Variants in FNBP4 observed in about 807,000 individuals in gnomAD.
FNBP4 encodes the protein formin-binding protein 4.
Under a neutral mutation model 119.3 loss-of-function variants are expected in FNBP4, and 34 were observed. The observed-to-expected ratio is 0.28, with a 90% CI of 0.22 to 0.38. The LOEUF (loss-of-function observed/expected upper bound fraction) is 0.38. FNBP4 is among the 10% of genes least tolerant of loss of function. The pLI is 1.00. For synonymous variants in FNBP4, 462 were observed against 430.6 expected, an observed-to-expected ratio of 1.07 and a Z score of -0.90; for missense variants, 1,112 against 1,228.9, an observed-to-expected ratio of 0.90 and a Z score of 1.42.
At position 47,753,065 on chromosome 11, in the gene FNBP4, G is replaced by A; in HGVS notation, c.488C>T (p.Pro163Leu). 1.2e-6 allele frequency: 2 copies of A among 1,613,936 alleles called. No individual in the cohort carries two copies. The highest frequency in any genetic ancestry group is 8.5e-7 in the Non-Finnish European group (1 of 1,179,948). ...DAITAPQPAA[P>L]VGASAPPPTP... ...TGGAGGTGGAGCAGAAGCTCCTACA[G>A]GAGCTGCAGGCTGAGGAGCTGTTAT... The change falls in exon 4 of 17, where the codon CCT (proline) becomes CTT (leucine). Residue 163 changes from proline to leucine, a missense_variant. Pro to Leu is a moderately conservative substitution (Grantham distance 98, BLOSUM62 -3). Transcript: ENST00000263773.
chr11:47,730,546 A>C (rs1357321401), intron 12 of FNBP4, among the ~76,000 whole-genome samples: 1 of 152,206 alleles, frequency 6.6e-6, no homozygotes, highest in Non-Finnish European at 1.5e-5. Flanking sequence ...TAGACAAAAG[A>C]ATTCAGCTCT....
Position 47,750,157 on chromosome 11 carries a change from TC to T in FNBP4, c.906+758del, listed in dbSNP as rs539631048. ...ACGTTGGGAGGCTGAGGCAGGTAGA[TC>T]ACCTGAGGTCAGGAGTTTGAGACCA... On this transcript the variant is annotated intron_variant, in intron 6 of 16. Coordinates refer to ENST00000263773, the MANE Select transcript of FNBP4 (RefSeq NM_015308.5). Among the ~76,000 whole-genome samples the T allele has an allele frequency of 9.2e-5, 14 of 151,922 alleles. 1 individual carries two copies. The highest frequency in any genetic ancestry group is 9.2e-4 in the Admixed American group (14 of 15,234).
intron 7 of FNBP4, among the ~76,000 whole-genome samples, chr11:47,744,803 T>C (rs550626173): frequency 2.6e-5 from 4 of 152,336 alleles, no homozygotes; most frequent in African/African-American, 9.6e-5. Context: ...CCTACTGTGC[T>C]ATCAAATAGT....
At chr11:47,736,533 C>A (rs9704048) in intron 9 of FNBP4, 83 bp downstream of exon 9, 1 of 1,187,632 alleles carries the variant, frequency 8.4e-7, no homozygotes, top group South Asian at 1.5e-5. Flanking sequence ...GCACTCCAGC[C>A]TGGGTGACAG....
At chr11:47,723,415 T>C in intron 14 of FNBP4, 99 bp from the exon 15 acceptor site, 1 of 1,495,908 alleles carries the variant, frequency 6.7e-7, no homozygotes, top group Non-Finnish European at 8.9e-7. Context: ...TAGAAAATGA[T>C]TCCAATATAT....
chr11:47,731,425 C>G lies in FNBP4; in HGVS notation c.1957G>C (p.Asp653His). The part of the protein sequence containing the change: ...DETLAKQTLK[D>H]KTGTDSNSTE... The stretch of plus-strand genomic sequence containing the variant: ...GAATTTGAATCAGTGCCAGTTTTGT[C>G]TTTCAAGGTCTGTTTGGCAAGAGTC... Residue 653 changes from aspartate (D) to histidine (H), a missense_variant, in exon 12 of 17, where the codon GAC becomes CAC. This residue lies in a region of FNBP4 where 826 missense variants were observed against 988.8 expected (regional missense o/e 0.84). Coordinates refer to ENST00000263773, the MANE Select transcript of FNBP4 (RefSeq NM_015308.5). The G allele has an allele frequency of 6.2e-7, 1 of 1,613,870 alleles. No individual in the cohort carries two copies. Among genetic ancestry groups the G allele is most frequent in the Non-Finnish European group, 8.5e-7 (1 of 1,179,910 alleles).
chr11:47,754,624 GT>G lies in FNBP4; in HGVS notation c.353del (p.Asp118AlafsTer10), dbSNP rs2097612342. The G allele has an allele frequency of 6.2e-7, 1 of 1,613,876 alleles. No individual in the cohort carries two copies. The highest frequency in any genetic ancestry group is 1.7e-5 in the Admixed American group (1 of 59,964). Reference sequence around the variant, plus strand: ...GTTTTTCGGAAACATCATTGTCATCGTCATCACTGTCAGCATAAGCACCAAG... The same window carrying G: ...GTTTTTCGGAAACATCATTGTCATCGCATCACTGTCAGCATAAGCACCAAG... Reference protein sequence around the residue: ...CLLGAYADSDDDDNDVSEKLA... With the variant: ...CLLGAYADSDXDDNDVSEKLA... On this transcript the variant is annotated frameshift_variant, in exon 3 of 17. Coordinates refer to ENST00000263773, the MANE Select transcript of FNBP4 (RefSeq NM_015308.5). LOFTEE classifies it high-confidence loss of function.
At chr11:47,766,721 G>A (rs2097648388) in intron 1 of FNBP4, among the ~76,000 whole-genome samples, 1 of 152,274 alleles carries the variant, frequency 6.6e-6, no homozygotes, top group African/African-American at 2.4e-5. Flanking sequence ...CACAGTCACA[G>A]GCCGCGCACG....
intron 11 of FNBP4, 187 bp from the exon 12 acceptor site, chr11:47,731,748 T>G: frequency 7.4e-7 from 1 of 1,354,612 alleles, no homozygotes; most frequent in East Asian, 2.8e-5. Flanking sequence ...TCAAAGCTAT[T>G]TGCACTGCCA....
intron 8 of FNBP4, 82 bp from the exon 9 acceptor site, chr11:47,736,822 T>G: frequency 8.2e-7 from 1 of 1,213,058 alleles, no homozygotes; most frequent in South Asian, 1.3e-5. Flanking sequence ...AGCAGATATC[T>G]GCAAAAGATT....
chr11:47,724,842 A>C (rs192006623), intron 12 of FNBP4, 64 bp from the exon 13 acceptor site: 1 of 1,510,134 alleles, frequency 6.6e-7, no homozygotes, highest in East Asian at 2.3e-5. Context: ...ATATTCATAG[A>C]AATGTTCAAC....
intron 6 of FNBP4, among the ~76,000 whole-genome samples, chr11:47,747,643 T>C (rs907113612): frequency 6.6e-6 from 1 of 152,054 alleles, no homozygotes; most frequent in Non-Finnish European, 1.5e-5. Context: ...ATGAAGGTGA[T>C]TTAGACTAAA....
chr11:47,745,446 C>T (rs2097588472), intron 7 of FNBP4, among the ~76,000 whole-genome samples: 1 of 152,018 alleles, frequency 6.6e-6, no homozygotes, highest in African/African-American at 2.4e-5. Context: ...GACTGAGATA[C>T]GCCCTGGTCT....
chr11:47,720,576 AT>A (rs2097554521), intron 15 of FNBP4, among the ~76,000 whole-genome samples: 1 of 151,194 alleles, frequency 6.6e-6, no homozygotes, highest in Non-Finnish European at 1.5e-5. Flanking sequence ...AAAAAAATAA[AT>A]AAATAAATAA....
intron 8 of FNBP4, among the ~76,000 whole-genome samples, chr11:47,741,690 C>A (rs2097582228): frequency 1.3e-5 from 2 of 152,172 alleles, no homozygotes; most frequent in African/African-American, 2.4e-5. Context: ...GTGGCAGGCG[C>A]CTGTAATCCC....
At chr11:47,737,223 T>C (rs1414403925) in intron 8 of FNBP4, among the ~76,000 whole-genome samples, 1 of 152,110 alleles carries the variant, frequency 6.6e-6, no homozygotes, top group Non-Finnish European at 1.5e-5. Flanking sequence ...AAATCCTTTA[T>C]AATCAACTTT....
intron 12 of FNBP4, chr11:47,729,772 C>T (rs929302023): frequency 1.3e-5 from 13 of 985,310 alleles, no homozygotes; most frequent in Non-Finnish European, 1.4e-5. Flanking sequence ...CACCACTGAG[C>T]TGATTAAGAG....
chr11:47,731,356 CA>C lies in FNBP4; in HGVS notation c.2008+17del. On this transcript the variant is annotated intron_variant, in intron 12 of 16. Transcript: ENST00000263773. ...TAAAGTCATTTTGGCTGAATTAGTACAAGGTAAATTGTCTCACCTGTGGAAG... is the reference window on the plus strand; with the variant it reads ...TAAAGTCATTTTGGCTGAATTAGTACAGGTAAATTGTCTCACCTGTGGAAG... 1 of 1,583,262 alleles carries C rather than the reference CA, an allele frequency of 6.3e-7. No homozygotes were observed. The highest frequency in any genetic ancestry group is 1.2e-5 in the South Asian group (1 of 85,572).
At chr11:47,745,971 A>C in intron 7 of FNBP4, 85 bp downstream of exon 7, 1 of 1,216,870 alleles carries the variant, frequency 8.2e-7, no homozygotes, top group Non-Finnish European at 1.1e-6. Context: ...ACAAAATCCC[A>C]ATAATGGTTG....
Sources: gnomAD v4.1 joint callset for allele counts (sites outside exome capture counted in the v4.1 genomes callset) on GRCh38, gnomAD v4.1.1 for gene constraint, gnomAD v4.1.1 regional missense constraint, MANE v1.5 for transcripts, NCBI Gene and HGNC (gene_info 2026-07-23, HGNC 2026-07-21) for gene names.